Variants in TENM2 observed in about 807,000 individuals in gnomAD.
TENM2 encodes the protein teneurin transmembrane protein 2, also known as teneurin-2.
A neutral mutation model predicts 245.2 loss-of-function variants in TENM2; 52 were observed. The observed-to-expected ratio is 0.21, with a 90% CI of 0.17 to 0.27. The LOEUF (loss-of-function observed/expected upper bound fraction) is 0.27. TENM2 is among the 10% of genes least tolerant of loss of function. TENM2 has a pLI of 1.00. For missense variants in TENM2, 3,046 were observed against 3,666.8 expected (o/e 0.83, Z 4.37); for synonymous variants, 1,363 against 1,438.9 (o/e 0.95, Z 1.19).
intron 2 of TENM2, among the ~76,000 whole-genome samples, chr5:167,584,620 T>A (rs1442523489): frequency 1.3e-5 from 2 of 152,072 alleles, no homozygotes; most frequent in Non-Finnish European, 2.9e-5. Context: ...TTCTAGGAAG[T>A]CAGCATCAAT....
intron 1 of TENM2, among the ~76,000 whole-genome samples, chr5:167,364,942 G>A (rs547487081): frequency 3.9e-5 from 6 of 152,004 alleles, no homozygotes; most frequent in Admixed American, 6.5e-5. Context: ...TTTGAAAAAC[G>A]TTGTTGACCA....
chr5:167,007,332 T>G, the TENM2 span, among the ~76,000 whole-genome samples: 1 of 152,226 alleles, frequency 6.6e-6, no homozygotes, highest in Non-Finnish European at 1.5e-5. This position sits in a 1 kb window ranked among gnomAD's most constrained non-coding sequence, Gnocchi z 4.2. Flanking sequence ...AAGGAAATAT[T>G]TTAATCTGAG....
the TENM2 span, among the ~76,000 whole-genome samples, chr5:167,261,267 G>T: frequency 6.6e-6 from 1 of 152,022 alleles, no homozygotes; most frequent in Non-Finnish European, 1.5e-5. Flanking sequence ...TGACACAGAG[G>T]TTATGTCTTG....
chr5:167,007,632 C>T, the TENM2 span, among the ~76,000 whole-genome samples: 57 of 152,278 alleles, frequency 3.7e-4, no homozygotes, highest in Admixed American at 6.5e-4. This position sits in a 1 kb window ranked among gnomAD's most constrained non-coding sequence, Gnocchi z 4.2. Context: ...AAGCTTCTCC[C>T]CTAGCCTCCC....
At chr5:167,071,658 T>C in the TENM2 span, among the ~76,000 whole-genome samples, 2 of 152,014 alleles carry the variant, frequency 1.3e-5, no homozygotes, top group South Asian at 4.1e-4. Context: ...AAAGCAAAAA[T>C]AGATGGTAAT....
At chr5:168,157,935 T>C (rs1201222717) in intron 12 of TENM2, among the ~76,000 whole-genome samples, 1 of 152,136 alleles carries the variant, frequency 6.6e-6, no homozygotes, top group Non-Finnish European at 1.5e-5. Flanking sequence ...TTGTTGTTGT[T>C]GTTTTGAGAC....
chr5:167,421,412 C>A (rs1256281677), intron 2 of TENM2, among the ~76,000 whole-genome samples: 1 of 152,176 alleles, frequency 6.6e-6, no homozygotes, highest in African/African-American at 2.4e-5. Flanking sequence ...CCTATTAGAG[C>A]TCCATTTAAC....
intron 2 of TENM2, among the ~76,000 whole-genome samples, chr5:167,769,779 AC>A (rs1763280363): frequency 6.6e-6 from 1 of 152,288 alleles, no homozygotes; most frequent in African/African-American, 2.4e-5. Context: ...GAATAGTAAT[AC>A]CCAGGCTATT....
the TENM2 span, among the ~76,000 whole-genome samples, chr5:167,203,607 G>A: frequency 6.6e-6 from 1 of 152,054 alleles, no homozygotes; most frequent in African/African-American, 2.4e-5. Context: ...ATTTTAAGAA[G>A]GTGAACAATA....
At chr5:167,561,544 C>T (rs777078309) in intron 2 of TENM2, among the ~76,000 whole-genome samples, 2 of 152,150 alleles carry the variant, frequency 1.3e-5, no homozygotes, top group Non-Finnish European at 2.9e-5. Context: ...AATAAATGTC[C>T]TTACAGCTGG....
intron 2 of TENM2, among the ~76,000 whole-genome samples, chr5:167,704,574 T>G (rs1736992576): frequency 6.6e-6 from 1 of 151,966 alleles, no homozygotes; most frequent in Admixed American, 6.6e-5. Context: ...CAATATTAGG[T>G]GGCATGGGAT....
At chr5:167,498,668 C>G (rs1768971145) in intron 2 of TENM2, among the ~76,000 whole-genome samples, 1 of 152,066 alleles carries the variant, frequency 6.6e-6, no homozygotes, top group African/African-American at 2.4e-5. Context: ...AGAGCCCCCA[C>G]CCCGTGCGGC....
chr5:167,306,623 GA>G (rs1755695130), intron 1 of TENM2: 1 of 152,122 alleles, frequency 6.6e-6, no homozygotes, highest in African/African-American at 2.4e-5. Context: ...TAAGCCAAGT[GA>G]TAAGAAAACA....
intron 13 of TENM2, chr5:168,187,224 A>T (rs895065106): frequency 2.0e-5 from 3 of 152,222 alleles, no homozygotes; most frequent in African/African-American, 2.4e-5. Context: ...AAAGCCCAGG[A>T]TCAACAAAAC....
intron 2 of TENM2, among the ~76,000 whole-genome samples, chr5:167,401,645 TTGA>T (rs955864567): frequency 6.6e-6 from 1 of 152,174 alleles, no homozygotes; most frequent in African/African-American, 2.4e-5. Context: ...CATCAGATTG[TTGA>T]TGATAAATAG....
At chr5:167,666,826 T>G (rs1295669391) in intron 2 of TENM2, among the ~76,000 whole-genome samples, 2 of 152,204 alleles carry the variant, frequency 1.3e-5, no homozygotes, top group Non-Finnish European at 1.5e-5. Flanking sequence ...GGAAAAAACA[T>G]ATTGAATTAT....
intron 2 of TENM2, among the ~76,000 whole-genome samples, chr5:167,755,357 T>C (rs77397415): frequency 0.021 from 3,257 of 152,230 alleles, 59 homozygotes; most frequent in Non-Finnish European, 0.033. Context: ...TTAACAGTAG[T>C]TGTGAATTCT....
chr5:166,989,049 C>T, the TENM2 span, among the ~76,000 whole-genome samples: 2 of 152,002 alleles, frequency 1.3e-5, no homozygotes, highest in African/African-American at 4.8e-5. Context: ...ATAAAAAGTA[C>T]AGGGAAAGTC....
intron 2 of TENM2, among the ~76,000 whole-genome samples, chr5:167,655,007 G>T (rs1754746880): frequency 6.6e-6 from 1 of 152,096 alleles, no homozygotes; most frequent in Admixed American, 6.5e-5. Flanking sequence ...CACGATAAGT[G>T]CAATAGGTTA....
Sources: allele counts gnomAD v4.1 joint callset (sites outside exome capture counted in the v4.1 genomes callset), GRCh38; gene constraint gnomAD v4.1.1; non-coding constraint Gnocchi (gnomAD v3.1); transcripts MANE v1.5; gene names NCBI Gene and HGNC (gene_info 2026-07-23, HGNC 2026-07-21).